Variants in NOX5 observed in about 807,000 individuals in gnomAD.
NOX5 encodes NADPH oxidase 5, also known as NADPH oxidase, EF-hand calcium binding domain 5.
A neutral mutation model predicts 85.7 loss-of-function variants in NOX5; 76 were observed. The observed-to-expected ratio is 0.89, with a 90% CI of 0.74 to 1.07. The LOEUF (loss-of-function observed/expected upper bound fraction) is 1.07. Ranked by LOEUF, NOX5 falls within the 50% of genes least tolerant of loss-of-function variation. The pLI is 0.00. For synonymous variants in NOX5, 405 were observed against 401.4 expected, an observed-to-expected ratio of 1.01 and a Z score of -0.11; for missense variants, 973 against 999.5, an observed-to-expected ratio of 0.97 and a Z score of 0.36.
At position 69,036,408 on chromosome 15, in the gene NOX5, A is replaced by G. The variant is rs1240187306; in HGVS notation, c.1188+472A>G. 2.0e-5 allele frequency among the ~76,000 whole-genome samples: 3 copies of G among 152,208 alleles called. No individual in the cohort carries two copies. In the East Asian group the frequency reaches 5.8e-4, roughly 29 times the overall value. On this transcript the variant is annotated intron_variant, in intron 7 of 15. Transcript: ENST00000388866. Reference sequence around the variant, plus strand: ...TAGGTGCTCTGAAAATGTTAGTTCCATCTTTGCTTCTGTCTCTCCAGCCTC... The same window carrying G: ...TAGGTGCTCTGAAAATGTTAGTTCCGTCTTTGCTTCTGTCTCTCCAGCCTC...
At chr15:69,033,549 A>G (rs1249511092) in intron 5 of NOX5, among the ~76,000 whole-genome samples, 1 of 152,098 alleles carries the variant, frequency 6.6e-6, no homozygotes, top group Non-Finnish European at 1.5e-5. Flanking sequence ...TTTGATCTTC[A>G]CAACTCCCCT....
chr15:69,046,833 A>G lies in NOX5; in HGVS notation c.1659A>G (p.Ile553Met). The change falls in exon 11 of 16, where the codon ATA becomes ATG. Residue 553 changes from isoleucine to methionine, a missense_variant. By Grantham distance (10) the Ile-to-Met change is conservative. Coordinates refer to ENST00000388866, the MANE Select transcript of NOX5 (RefSeq NM_024505.4). ...TCTACTCCCTGCAGGGCTCTGAGAT[A>G]CTTTTGGAGAAACACAAATTCTGTA... ...KSQRSSKGSE[I>M]LLEKHKFCNI... 1 of 1,613,798 alleles carries G rather than the reference A, an allele frequency of 6.2e-7. No individual in the cohort carries two copies. Among genetic ancestry groups the G allele is most frequent in the Non-Finnish European group, 8.5e-7 (1 of 1,179,770 alleles).
intron 1 of NOX5, among the ~76,000 whole-genome samples, chr15:69,017,079 A>C (rs1319881733): frequency 1.3e-5 from 2 of 152,162 alleles, no homozygotes; most frequent in East Asian, 3.8e-4. Flanking sequence ...TGGAGGCTTT[A>C]CCTGAATGAC....
rs1161012642 is a variant in NOX5 at position 69,062,570 on chromosome 15, C to T, written c.*5874C>T. ...TTTTTTACTTTAAATAGCATCATTT[C>T]GTGCTCCCCCAGGACACTGTGCAGC... On this transcript the variant is annotated 3_prime_UTR_variant, in exon 16 of 16. Coordinates refer to ENST00000388866, the MANE Select transcript of NOX5 (RefSeq NM_024505.4). The T allele has an allele frequency of 2.0e-5, 3 of 152,192 alleles. No homozygotes were observed. Among genetic ancestry groups the T allele is most frequent in the African/African-American group, 7.2e-5 (3 of 41,456 alleles). The allele number at this position is 152,192 out of a possible 1,614,324, so 9.4% of individuals were successfully genotyped here.
rs1488662712 is a variant in NOX5 at position 69,035,508 on chromosome 15, G to A, written c.1009+1G>A. 4 of 1,614,104 alleles carry A rather than the reference G, an allele frequency of 2.5e-6. 1 individual carries two copies. In the South Asian group the frequency reaches 3.3e-5, roughly 13 times the overall value. ...ACCGTGGCTCACACTGTGAACTTTGGTGAGTGATCTGGGGCAGGGTTGGGT... is the reference window on the plus strand; with the variant it reads ...ACCGTGGCTCACACTGTGAACTTTGATGAGTGATCTGGGGCAGGGTTGGGT... On this transcript the variant is annotated splice_donor_variant, in intron 6 of 15. Coordinates refer to ENST00000388866, the MANE Select transcript of NOX5 (RefSeq NM_024505.4). LOFTEE classifies it high-confidence loss of function.
rs755872204 is a variant in NOX5, at chr15:69,033,296, C to T, written c.855+19C>T. On this transcript the variant is annotated intron_variant, in intron 5 of 15. Coordinates refer to ENST00000388866, the MANE Select transcript of NOX5 (RefSeq NM_024505.4). ...CATCGCGGTAGGCTCTGCCAGCACA[C>T]GGTGCTCTGAAAATGTTAATTAGGA... is the stretch of plus-strand genomic sequence containing the variant. The T allele has an allele frequency of 3.1e-6, 5 of 1,588,370 alleles. No individual in the cohort carries two copies. The highest frequency in any genetic ancestry group is 4.3e-6 in the Non-Finnish European group (5 of 1,176,140).
rs1303276034 is a variant in NOX5, at chr15:69,059,593, G to A, written c.*2897G>A. 6.6e-6 allele frequency: 1 copy of A among 152,272 alleles called. No homozygotes were observed. Among genetic ancestry groups the A allele is most frequent in the Non-Finnish European group, 1.5e-5 (1 of 68,060 alleles). 9.4% of individuals were successfully genotyped at this position (152,272 alleles called of 1,614,324 possible). On this transcript the variant is annotated 3_prime_UTR_variant, in exon 16 of 16. Transcript: ENST00000388866. ...GGTCAAGTTGAACTGAACAGGCCTG[G>A]CTTGGGGAGAGTTCACAGGTCCAGG...
intron 13 of NOX5, among the ~76,000 whole-genome samples, chr15:69,048,644 G>A (rs1280431732): frequency 6.6e-6 from 1 of 152,158 alleles, no homozygotes; most frequent in East Asian, 1.9e-4. Flanking sequence ...ACTTAGAAGA[G>A]TTTCTTAAAA....
intron 14 of NOX5, among the ~76,000 whole-genome samples, chr15:69,050,814 C>A (rs534339159): frequency 6.6e-6 from 1 of 152,160 alleles, no homozygotes; most frequent in Non-Finnish European, 1.5e-5. Flanking sequence ...GCCTTTAGTG[C>A]GGGATTAATT....
chr15:69,018,851 A>G (rs925384239), intron 1 of NOX5, among the ~76,000 whole-genome samples: 10 of 151,786 alleles, frequency 6.6e-5, no homozygotes, highest in Non-Finnish European at 1.2e-4. Flanking sequence ...TGTTTGCTCT[A>G]TTCTATTCTA....
intron 1 of NOX5, among the ~76,000 whole-genome samples, chr15:69,024,726 C>T (rs1339678056): frequency 1.3e-5 from 2 of 152,078 alleles, no homozygotes; most frequent in Admixed American, 6.6e-5. Context: ...AACACATAGT[C>T]TATATAGGGT....
chr15:69,053,554 T>A (rs914791342), intron 14 of NOX5, among the ~76,000 whole-genome samples: 7 of 152,254 alleles, frequency 4.6e-5, no homozygotes, highest in Admixed American at 4.6e-4. Context: ...CTCCTACTAC[T>A]GTACATTTTG....
rs1307974022 is a variant in NOX5, at chr15:69,059,637, A to G, written c.*2941A>G. The G allele has an allele frequency of 6.6e-6, 1 of 152,112 alleles. No homozygotes were observed. The highest frequency in any genetic ancestry group is 1.5e-5 in the Non-Finnish European group (1 of 68,042). The allele number at this position is 152,112 out of a possible 1,614,324, so 9.4% of individuals were successfully genotyped here. A position where few individuals can be genotyped will look rare whatever the true frequency, so the allele number is the denominator to read the frequency against. ...GTCCAGGTTCTGTCTGCCTCGGTGG[A>G]CATGTCATCGAAGGCAGCAGGACCA... is the stretch of plus-strand genomic sequence containing the variant. On this transcript the variant is annotated 3_prime_UTR_variant, in exon 16 of 16. Coordinates refer to ENST00000388866, the MANE Select transcript of NOX5 (RefSeq NM_024505.4).
At chr15:69,039,573 CA>C (rs2050568717) in intron 9 of NOX5, among the ~76,000 whole-genome samples, 2 of 152,150 alleles carry the variant, frequency 1.3e-5, no homozygotes, top group South Asian at 4.1e-4. Context: ...GGTTCTTAAG[CA>C]GAGGAGTAGC....
chr15:69,056,578 T>C lies in NOX5; in HGVS notation c.2180T>C (p.Val727Ala). The C allele has an allele frequency of 6.2e-7, 1 of 1,613,144 alleles. No individual in the cohort carries two copies. The highest frequency in any genetic ancestry group is 8.5e-7 in the Non-Finnish European group (1 of 1,180,008). The change falls in exon 16 of 16, where the codon GTG (valine) becomes GCG (alanine). Residue 727 changes from valine to alanine, a missense_variant. Coordinates refer to ENST00000388866, the MANE Select transcript of NOX5 (RefSeq NM_024505.4). ...CACTGACTCCAGGTGTTCCAGAAAG[T>C]GGCTGCTGAGAAGAAGGGCAAGGTG... ...RPDWSKVFQK[V>A]AAEKKGKVQV... is the part of the protein sequence containing the mutation.
intron 1 of NOX5, chr15:69,022,804 T>C (rs2050310592): frequency 4.2e-6 from 1 of 238,202 alleles, no homozygotes; most frequent in Non-Finnish European, 8.5e-6. Flanking sequence ...AGGACTAATA[T>C]AGGAATGGAG....
At chr15:69,020,971 A>T (rs1730344271) in intron 1 of NOX5, among the ~76,000 whole-genome samples, 1 of 152,072 alleles carries the variant, frequency 6.6e-6, no homozygotes, top group Non-Finnish European at 1.5e-5. Context: ...AATTACGTTG[A>T]TAGGCGTCTT....
At position 69,056,741 on chromosome 15, in the gene NOX5, C is replaced by A; in HGVS notation, c.*45C>A. On this transcript the variant is annotated 3_prime_UTR_variant, in exon 16 of 16. Coordinates refer to ENST00000388866, the MANE Select transcript of NOX5 (RefSeq NM_024505.4). ...GCCCCAAGTCCACACCATGGGTCTGCTTCATTGCATTAGTATAAATGCCCC... is the reference window on the plus strand; with the variant it reads ...GCCCCAAGTCCACACCATGGGTCTGATTCATTGCATTAGTATAAATGCCCC... 6.2e-7 allele frequency: 1 copy of A among 1,605,458 alleles called. No individual in the cohort carries two copies. The highest frequency in any genetic ancestry group is 8.5e-7 in the Non-Finnish European group (1 of 1,176,610).
chr15:69,029,564 A>G (rs564755329), intron 3 of NOX5: 1 of 152,020 alleles, frequency 6.6e-6, no homozygotes, highest in African/African-American at 2.4e-5. Context: ...TCTATTTTTA[A>G]TTTTTTGAGG....
Sources: gnomAD v4.1 joint callset for allele counts (sites outside exome capture counted in the v4.1 genomes callset) on GRCh38, gnomAD v4.1.1 for gene constraint, MANE v1.5 for transcripts, NCBI Gene and HGNC (gene_info 2026-07-23, HGNC 2026-07-21) for gene names.